GLMN: variants seen among roughly 807,000 people sequenced by gnomAD.
GLMN encodes the protein glomulin, FKBP associated protein.
GLMN carries 75 observed loss-of-function variants against 87.8 expected under a neutral mutation model. The observed-to-expected ratio is 0.85, with a 90% confidence interval of 0.71 to 1.04. The LOEUF (loss-of-function observed/expected upper bound fraction) is 1.04. Ranked by LOEUF, GLMN falls within the 50% of genes least tolerant of loss-of-function variation. The probability of loss-of-function intolerance (pLI) is 0.00; values close to 1 mark genes in which losing one functional copy is unlikely to be tolerated. For synonymous variants in GLMN, 206 were observed against 221.6 expected (o/e 0.93, Z 0.63); for missense variants, 588 against 658.8 (o/e 0.89, Z 1.18).
intron 18 of GLMN, 71 bp downstream of exon 18, chr1:92,246,990 TC>T: frequency 1.2e-6 from 1 of 846,618 alleles, no homozygotes; most frequent in Non-Finnish European, 2.0e-6. Flanking sequence ...GCCACTGCAC[TC>T]CAGCTTGGGC....
chr1:92,293,782 A>G (rs1649702794), intron 3 of GLMN, among the ~76,000 whole-genome samples: 1 of 152,352 alleles, frequency 6.6e-6, no homozygotes, highest in African/African-American at 2.4e-5. Flanking sequence ...GGCCACAAAA[A>G]TGAATGACAT....
chr1:92,328,120 T>A, the GLMN span, among the ~76,000 whole-genome samples: 6 of 152,252 alleles, frequency 3.9e-5, 1 homozygote, highest in South Asian at 8.3e-4. Flanking sequence ...GATAACCTGA[T>A]GACTATGTGC....
the GLMN span, among the ~76,000 whole-genome samples, chr1:92,342,425 G>A: frequency 6.6e-6 from 1 of 152,160 alleles, no homozygotes; most frequent in African/African-American, 2.4e-5. Flanking sequence ...ATGGGATTGG[G>A]GTTGGGTGTA....
upstream of GLMN, chr1:92,299,070 C>T (rs1384552595): frequency 5.3e-6 from 8 of 1,500,934 alleles, no homozygotes; most frequent in African/African-American, 1.4e-5. Flanking sequence ...GACTACTCTC[C>T]CCCATGGCGG....
the GLMN span, among the ~76,000 whole-genome samples, chr1:92,317,328 G>A: frequency 6.6e-6 from 1 of 152,076 alleles, no homozygotes; most frequent in Non-Finnish European, 1.5e-5. Flanking sequence ...CCAACATGGT[G>A]AAACCCCATC....
chr1:92,255,077 C>T lies in GLMN; in HGVS notation c.1474-7088G>A, dbSNP rs183759022. ...GATGAAGGATTATTTACCAAGCAAA[C>T]GGAAAGAAAAAAAAAAAGCAGAGGT... On this transcript the variant is annotated intron_variant, in intron 16 of 18. Coordinates refer to ENST00000370360, the MANE Select transcript of GLMN (RefSeq NM_053274.3). 1.9e-3 allele frequency among the ~76,000 whole-genome samples: 269 copies of T among 144,576 alleles called. 3 individuals are homozygous for T. The highest frequency in any genetic ancestry group is 6.5e-3 in the African/African-American group (245 of 37,788). 94.8% of individuals were successfully genotyped at this position (144,576 alleles called of 152,430 possible).
In GLMN at chr1:92,246,493, C is replaced by T; in HGVS notation, c.*37G>A. On this transcript the variant is annotated 3_prime_UTR_variant, in exon 19 of 19. Transcript: ENST00000370360. ...ATTAAATGAATCATAATGGAAAGTA[C>T]TATATTTTATTAGTTTTTATTTAGG... 4 of 902,940 alleles carry T rather than the reference C, an allele frequency of 4.4e-6. 1 individual carries two copies. The highest frequency in any genetic ancestry group is 4.0e-5 in the South Asian group (3 of 75,272). The allele number at this position is 902,940 out of a possible 1,614,324, so 55.9% of individuals were successfully genotyped here. A position where few individuals can be genotyped will look rare whatever the true frequency, so the allele number is the denominator to read the frequency against.
chr1:92,266,794 A>C (rs1026158794), intron 11 of GLMN, 53 bp from the exon 12 acceptor site: 1 of 1,121,790 alleles, frequency 8.9e-7, no homozygotes, highest in African/African-American at 1.5e-5. Context: ...ACTGACTGCA[A>C]ACAAACAACT....
At chr1:92,311,902 G>A in the GLMN span, among the ~76,000 whole-genome samples, 233 of 152,284 alleles carry the variant, frequency 1.5e-3, no homozygotes, top group Admixed American at 3.7e-3. Flanking sequence ...CCTTCAGCAA[G>A]TATTAATCTT....
chr1:92,285,855 A>G (rs1296593646), intron 7 of GLMN, among the ~76,000 whole-genome samples: 1 of 152,246 alleles, frequency 6.6e-6, no homozygotes, highest in Non-Finnish European at 1.5e-5. Flanking sequence ...TCTCTAATAC[A>G]GAATCTGAGC....
At chr1:92,349,435 G>T in the GLMN span, among the ~76,000 whole-genome samples, 1 of 152,124 alleles carries the variant, frequency 6.6e-6, no homozygotes, top group Non-Finnish European at 1.5e-5. Flanking sequence ...TTAGTATGTT[G>T]CTATAATGCC....
chr1:92,327,200 A>C, the GLMN span, among the ~76,000 whole-genome samples: 1 of 152,156 alleles, frequency 6.6e-6, no homozygotes, highest in Non-Finnish European at 1.5e-5. Flanking sequence ...TTCATTGTTG[A>C]CCTAGTGATC....
At chr1:92,292,421 T>C (rs1270716185) in intron 3 of GLMN, among the ~76,000 whole-genome samples, 1 of 151,808 alleles carries the variant, frequency 6.6e-6, no homozygotes, top group Non-Finnish European at 1.5e-5. Context: ...TATTTATTTA[T>C]TTATTTTGAA....
Position 92,291,048 on chromosome 1 carries a change from A to C in GLMN, c.285+370T>G, listed in dbSNP as rs141056026. Among the ~76,000 whole-genome samples, 28 of 152,294 alleles carry C rather than the reference A, an allele frequency of 1.8e-4. 2 individuals are homozygous for C. In the East Asian group the frequency reaches 5.4e-3, roughly 29 times the overall value. On this transcript the variant is annotated intron_variant, in intron 4 of 18. Coordinates refer to ENST00000370360, the MANE Select transcript of GLMN (RefSeq NM_053274.3). ...ACAAAGGAAAGAGGACTGAGATTTT[A>C]ATCTAGTTCCAATGTTGCCAAAAGA...
intron 7 of GLMN, among the ~76,000 whole-genome samples, chr1:92,281,804 A>T (rs1217019683): frequency 6.6e-6 from 1 of 152,122 alleles, no homozygotes; most frequent in Non-Finnish European, 1.5e-5. Context: ...AGCAAAAAAA[A>T]AAAAGCAAGG....
chr1:92,341,065 G>A, the GLMN span, among the ~76,000 whole-genome samples: 3 of 152,148 alleles, frequency 2.0e-5, no homozygotes, highest in Non-Finnish European at 2.9e-5. Context: ...TTGGACTGCC[G>A]TGTCGTGATC....
Position 92,288,146 on chromosome 1 carries a change from T to C in GLMN, c.632+768A>G, listed in dbSNP as rs117408045. ...CAAGTGCTACAGCCATATTGAACAGTAGATGTTTAGTCTATAGTACCCATG... is the reference window on the plus strand; with the variant it reads ...CAAGTGCTACAGCCATATTGAACAGCAGATGTTTAGTCTATAGTACCCATG... On this transcript the variant is annotated intron_variant, in intron 6 of 18. Transcript: ENST00000370360. 1.4e-4 allele frequency among the ~76,000 whole-genome samples: 22 copies of C among 152,156 alleles called. No homozygotes were observed. The East Asian group carries it at 3.3e-3, about 23-fold the overall frequency.
At chr1:92,267,108 C>T (rs1557530772) in intron 11 of GLMN, among the ~76,000 whole-genome samples, 2 of 152,030 alleles carry the variant, frequency 1.3e-5, no homozygotes, top group African/African-American at 4.8e-5. Flanking sequence ...AAACCAGTTC[C>T]CACACTGAAA....
At chr1:92,279,221 T>G (rs1218462399) in intron 7 of GLMN, among the ~76,000 whole-genome samples, 1 of 152,074 alleles carries the variant, frequency 6.6e-6, no homozygotes, top group Non-Finnish European at 1.5e-5. Flanking sequence ...TTTGGGAGGC[T>G]GAGGCGGGTG....
Sources: gnomAD v4.1 joint callset for allele counts (sites outside exome capture counted in the v4.1 genomes callset) on GRCh38, gnomAD v4.1.1 for gene constraint, MANE v1.5 for transcripts, NCBI Gene and HGNC (gene_info 2026-07-23, HGNC 2026-07-21) for gene names.